SHANK2: variants seen among roughly 807,000 people sequenced by gnomAD.
The protein encoded by SHANK2 is SH3 and multiple ankyrin repeat domains protein 2.
In SHANK2, 43 loss-of-function variants were observed where a neutral mutation model predicts 133.7. The observed-to-expected ratio is 0.32, with a 90% confidence interval of 0.25 to 0.41. The LOEUF is 0.41. Ranked by LOEUF, SHANK2 falls within the 10% of genes least tolerant of loss-of-function variation. The probability of loss-of-function intolerance (pLI) is 1.00; values close to 1 mark genes in which losing one functional copy is unlikely to be tolerated. For synonymous variants in SHANK2, 1,017 were observed against 952.8 expected (o/e 1.07, Z -1.24); for missense variants, 1,994 against 2,235.8 (o/e 0.89, Z 2.18).
intron 11 of SHANK2, among the ~76,000 whole-genome samples, chr11:70,850,796 G>A (rs1949074051): frequency 6.6e-6 from 1 of 152,148 alleles, no homozygotes; most frequent in Admixed American, 6.5e-5. Context: ...GGCAGCTCCT[G>A]ATCTCAGCTT....
At chr11:70,551,367 A>G (rs1049962821) in intron 17 of SHANK2, among the ~76,000 whole-genome samples, 1 of 141,836 alleles carries the variant, frequency 7.1e-6, no homozygotes, top group African/African-American at 2.7e-5. Flanking sequence ...GTCTGACCCT[A>G]AGCTGCGTGG....
At chr11:70,539,889 C>A (rs1475180902) in intron 17 of SHANK2, among the ~76,000 whole-genome samples, 1 of 152,120 alleles carries the variant, frequency 6.6e-6, no homozygotes, top group African/African-American at 2.4e-5. Context: ...CTGGGGACTG[C>A]GAGGCAGTTT....
At chr11:70,942,126 G>A (rs967697570) in intron 10 of SHANK2, among the ~76,000 whole-genome samples, 1 of 152,162 alleles carries the variant, frequency 6.6e-6, no homozygotes, top group South Asian at 2.1e-4. Flanking sequence ...GGCGGAGGTT[G>A]CGGTGAACTG....
intron 1 of SHANK2, among the ~76,000 whole-genome samples, chr11:71,248,237 T>C (rs1954988668): frequency 6.6e-6 from 1 of 152,252 alleles, no homozygotes; most frequent in Non-Finnish European, 1.5e-5. Context: ...GAGACAGCCG[T>C]CCATCAGCGG....
intron 2 of SHANK2, among the ~76,000 whole-genome samples, chr11:71,186,055 C>T (rs573997436): frequency 6.6e-6 from 1 of 152,342 alleles, no homozygotes; most frequent in South Asian, 2.1e-4. Context: ...ATCCATGGCT[C>T]ATTCACCACG....
intron 12 of SHANK2, among the ~76,000 whole-genome samples, chr11:70,810,331 A>T (rs1041588761): frequency 3.3e-5 from 5 of 152,014 alleles, no homozygotes; most frequent in Non-Finnish European, 7.4e-5. Context: ...ACTCAGCCTG[A>T]CTCAGGCAGG....
At chr11:70,703,525 C>T (rs1945589193) in intron 14 of SHANK2, among the ~76,000 whole-genome samples, 1 of 152,154 alleles carries the variant, frequency 6.6e-6, no homozygotes, top group South Asian at 2.1e-4. Flanking sequence ...CAGGCTTGGC[C>T]CCCTGGGACT....
At chr11:70,616,774 C>G (rs2060747917) in intron 17 of SHANK2, among the ~76,000 whole-genome samples, 2 of 152,170 alleles carry the variant, frequency 1.3e-5, no homozygotes, top group South Asian at 4.1e-4. Flanking sequence ...CTCTCCCTGG[C>G]CCAGGGGACT....
intron 2 of SHANK2, among the ~76,000 whole-genome samples, chr11:71,187,328 A>G (rs1213502658): frequency 1.3e-5 from 2 of 152,048 alleles, no homozygotes; most frequent in African/African-American, 4.8e-5. Flanking sequence ...ACAGTTCTTC[A>G]CGGGTTTCTC....
chr11:70,583,072 TG>T, intron 17 of SHANK2, among the ~76,000 whole-genome samples: 1 of 151,800 alleles, frequency 6.6e-6, no homozygotes, highest in Non-Finnish European at 1.5e-5. Flanking sequence ...GAGGGAAGAT[TG>T]GGGGAGAATC....
chr11:70,569,525 C>T lies in SHANK2; in HGVS notation c.2062-66594G>A, dbSNP rs1554982663. ...GAGAGGCATGGGTGGCGCTGCCGGC[C>T]GCTTCCCCATCTTACCTCTGCTGGT... On this transcript the variant is annotated intron_variant, in intron 17 of 25. Transcript: ENST00000601538. The surrounding 1 kb of genome is among the most constrained non-coding windows in gnomAD (Gnocchi z 5.1). Among the ~76,000 whole-genome samples, 1 of 152,164 alleles carries T rather than the reference C, an allele frequency of 6.6e-6. No individual in the cohort carries two copies. Among genetic ancestry groups the T allele is most frequent in the African/African-American group, 2.4e-5 (1 of 41,424 alleles).
chr11:70,781,262 T>A (rs1311006612), intron 14 of SHANK2, among the ~76,000 whole-genome samples: 1 of 151,788 alleles, frequency 6.6e-6, no homozygotes, highest in Non-Finnish European at 1.5e-5. Flanking sequence ...TTCTGGAGAT[T>A]GGAGGAAAAC....
intron 7 of SHANK2, among the ~76,000 whole-genome samples, chr11:71,093,850 G>A (rs564461746): frequency 1.1e-4 from 16 of 152,320 alleles, no homozygotes; most frequent in Non-Finnish European, 1.8e-4. Context: ...CGAGGCCCCC[G>A]TCTTGGGGGT....
intron 17 of SHANK2, among the ~76,000 whole-genome samples, chr11:70,518,247 T>C (rs965882215): frequency 1.3e-5 from 2 of 152,292 alleles, no homozygotes; most frequent in Non-Finnish European, 1.5e-5. Context: ...ACAGAGACTC[T>C]TATTAAGAAG....
chr11:70,676,391 G>A (rs1944905822), intron 15 of SHANK2, among the ~76,000 whole-genome samples: 1 of 152,228 alleles, frequency 6.6e-6, no homozygotes, highest in Admixed American at 6.5e-5. Flanking sequence ...GAAAGGGAGT[G>A]GGGGTTGGGG....
At position 71,103,986 on chromosome 11, in the gene SHANK2, G is replaced by A. The variant is rs575819173; in HGVS notation, c.592+5955C>T. ...TGCACCTGCTCTCCCTTTGCCTTCC[G>A]CCATGCGTAAAAGCTCCCTGAGGCC... On this transcript the variant is annotated intron_variant, in intron 6 of 25. Coordinates refer to ENST00000601538, the MANE Select transcript of SHANK2 (RefSeq NM_012309.5). Among the ~76,000 whole-genome samples, 57 of 150,938 alleles carry A rather than the reference G, an allele frequency of 3.8e-4. 1 individual carries two copies. In the South Asian group the frequency reaches 9.5e-3, roughly 25 times the overall value.
At chr11:71,083,960 T>C (rs1951338681) in intron 8 of SHANK2, among the ~76,000 whole-genome samples, 2 of 116,886 alleles carry the variant, frequency 1.7e-5, no homozygotes, top group African/African-American at 3.2e-5. Context: ...ACAGGGTAAT[T>C]TGAATAACAA....
At chr11:71,069,070 TCAC>T (rs1295835547) in intron 9 of SHANK2, among the ~76,000 whole-genome samples, 14 of 147,822 alleles carry the variant, frequency 9.5e-5, no homozygotes, top group African/African-American at 1.3e-4. Flanking sequence ...ACCATCACCA[TCAC>T]CACCACCACC....
At chr11:70,762,541 C>T (rs1467562327) in intron 14 of SHANK2, among the ~76,000 whole-genome samples, 2 of 152,152 alleles carry the variant, frequency 1.3e-5, no homozygotes, top group Non-Finnish European at 2.9e-5. Context: ...GCTTGGAGAC[C>T]ACCCCAGGGT....
Sources: allele counts gnomAD v4.1 joint callset (sites outside exome capture counted in the v4.1 genomes callset), GRCh38; gene constraint gnomAD v4.1.1; non-coding constraint Gnocchi (gnomAD v3.1); transcripts MANE v1.5; gene names NCBI Gene and HGNC (gene_info 2026-07-23, HGNC 2026-07-21).